TSHZ2: variants seen among roughly 807,000 people sequenced by gnomAD.
TSHZ2 encodes the protein teashirt zinc finger homeobox 2.
A neutral mutation model predicts 74.4 loss-of-function variants in TSHZ2; 21 were observed. The ratio of observed to expected loss-of-function variants is 0.28; its 90% CI spans 0.20 to 0.41. The LOEUF (loss-of-function observed/expected upper bound fraction) is 0.41. TSHZ2 is among the 10% of genes least tolerant of loss of function. TSHZ2 has a pLI of 1.00. For missense variants in TSHZ2, 1,244 were observed against 1,293.5 expected (o/e 0.96, Z 0.59); for synonymous variants, 540 against 515.3 (o/e 1.05, Z -0.65).
chr20:53,466,704 C>T (rs921700048), intron 2 of TSHZ2, among the ~76,000 whole-genome samples: 28 of 152,136 alleles, frequency 1.8e-4, no homozygotes, highest in African/African-American at 6.3e-4. Context: ...TATAATTGCT[C>T]AACATGAAAT....
chr20:53,050,597 T>C (rs757422703), intron 1 of TSHZ2, among the ~76,000 whole-genome samples: 7 of 152,192 alleles, frequency 4.6e-5, no homozygotes, highest in Non-Finnish European at 8.8e-5. Flanking sequence ...CAGAGACGTG[T>C]CATAGGAAGA....
chr20:53,090,516 T>C (rs912365954), intron 1 of TSHZ2, among the ~76,000 whole-genome samples: 4 of 152,100 alleles, frequency 2.6e-5, no homozygotes, highest in Non-Finnish European at 5.9e-5. Context: ...TTCCTTCCAA[T>C]TGAAAGATTT....
chr20:53,444,397 C>T lies in TSHZ2; in HGVS notation c.*9-42747C>T, dbSNP rs1435267022. Among the ~76,000 whole-genome samples, 4 of 151,990 alleles carry T rather than the reference C, an allele frequency of 2.6e-5. No individual in the cohort carries two copies. In the East Asian group the frequency reaches 7.7e-4, roughly 29 times the overall value. ...AACTGTGTCTCTATTAGGTGAGTGC[C>T]GGGGACAGGGGAGGAGTGGGCACCG... On this transcript the variant is annotated intron_variant, in intron 2 of 2. Transcript: ENST00000371497.
At chr20:53,157,018 T>C (rs781471272) in intron 1 of TSHZ2, among the ~76,000 whole-genome samples, 48 of 152,168 alleles carry the variant, frequency 3.2e-4, no homozygotes, top group Admixed American at 8.5e-4. Flanking sequence ...GCCATCTAAT[T>C]ACCTGTGACT....
At chr20:53,421,843 C>A (rs1020162437) in intron 2 of TSHZ2, among the ~76,000 whole-genome samples, 1 of 151,752 alleles carries the variant, frequency 6.6e-6, no homozygotes, top group Admixed American at 6.6e-5. Context: ...CCACCATGCC[C>A]GGCGAATTTT....
chr20:52,981,769 A>C (rs990362491), intron 1 of TSHZ2, among the ~76,000 whole-genome samples: 5 of 152,228 alleles, frequency 3.3e-5, no homozygotes, highest in Admixed American at 6.5e-5. Context: ...AGCACCACCA[A>C]CAACGGTAAC....
intron 1 of TSHZ2, among the ~76,000 whole-genome samples, chr20:53,251,110 T>A (rs915972659): frequency 5.9e-5 from 9 of 152,230 alleles, no homozygotes; most frequent in African/African-American, 1.4e-4. Flanking sequence ...AAAGTCCTCA[T>A]GGCCACCAAA....
intron 1 of TSHZ2, among the ~76,000 whole-genome samples, chr20:53,119,646 A>G (rs1041066373): frequency 6.6e-6 from 1 of 152,242 alleles, no homozygotes; most frequent in African/African-American, 2.4e-5. Flanking sequence ...TTCCACTGAC[A>G]ATGTTTATAT....
chr20:53,151,146 A>G (rs745361272), intron 1 of TSHZ2, among the ~76,000 whole-genome samples: 2 of 152,162 alleles, frequency 1.3e-5, no homozygotes, highest in Non-Finnish European at 2.9e-5. Flanking sequence ...TGTTTTTTCT[A>G]TCACTATTTT....
chr20:53,310,321 C>A (rs1260942265), intron 2 of TSHZ2, among the ~76,000 whole-genome samples: 1 of 152,208 alleles, frequency 6.6e-6, no homozygotes, highest in Non-Finnish European at 1.5e-5. Context: ...TGGACTAGAT[C>A]AGAGGATATC....
chr20:53,164,968 A>T (rs1988032659), intron 1 of TSHZ2, among the ~76,000 whole-genome samples: 1 of 152,196 alleles, frequency 6.6e-6, no homozygotes, highest in Non-Finnish European at 1.5e-5. Context: ...TGGTTATATG[A>T]TCACCACTTT....
intron 1 of TSHZ2, among the ~76,000 whole-genome samples, chr20:53,096,220 C>A (rs990186343): frequency 6.6e-6 from 1 of 152,214 alleles, no homozygotes; most frequent in African/African-American, 2.4e-5. Flanking sequence ...CGGCTCACTG[C>A]AACCTCTGCC....
intron 2 of TSHZ2, among the ~76,000 whole-genome samples, chr20:53,422,392 A>G (rs1983506096): frequency 1.3e-5 from 2 of 152,116 alleles, no homozygotes; most frequent in Non-Finnish European, 2.9e-5. Context: ...GGGCACTAAG[A>G]TGATTCTTAT....
Position 53,490,568 on chromosome 20 carries a change from G to A in TSHZ2, c.*3433G>A, listed in dbSNP as rs1009618756. 1 of 152,230 alleles carries A rather than the reference G, an allele frequency of 6.6e-6. No individual in the cohort carries two copies. Among genetic ancestry groups the A allele is most frequent in the South Asian group, 2.1e-4 (1 of 4,822 alleles). The allele number at this position is 152,230 out of a possible 1,614,324, so 9.4% of individuals were successfully genotyped here. On this transcript the variant is annotated 3_prime_UTR_variant, in exon 3 of 3. Transcript: ENST00000371497. The stretch of plus-strand genomic sequence containing the variant: ...AGACCTAAAAACAGAATATAATCAC[G>A]GAATAAACTGGATAACCCAGACAGT...
In TSHZ2 at chr20:53,248,942, G is replaced by A. The variant is rs576668347; in HGVS notation, c.41-4557G>A. ...CAACCTCCATCTCCCACTTCAAGTG[G>A]TTCTCCTGCCTCAGCCTCCCGAGTA... On this transcript the variant is annotated intron_variant, in intron 1 of 2. Coordinates refer to ENST00000371497, the MANE Select transcript of TSHZ2 (RefSeq NM_173485.6). Among the ~76,000 whole-genome samples the A allele has an allele frequency of 7.2e-5, 11 of 152,190 alleles. No individual in the cohort carries two copies. In the South Asian group the frequency reaches 2.3e-3, roughly 32 times the overall value.
intron 2 of TSHZ2, among the ~76,000 whole-genome samples, chr20:53,374,663 TG>T (rs1473429353): frequency 2.0e-5 from 3 of 152,208 alleles, no homozygotes; most frequent in African/African-American, 7.2e-5. Context: ...TGTTTTGTTT[TG>T]TTTTGGTTCT....
chr20:53,266,419 A>T (rs771297824), intron 2 of TSHZ2, among the ~76,000 whole-genome samples: 3 of 152,168 alleles, frequency 2.0e-5, no homozygotes, highest in Non-Finnish European at 2.9e-5. Context: ...TCAAGCTCTG[A>T]CAATGCTGGG....
chr20:53,021,302 A>G (rs556094324), intron 1 of TSHZ2, among the ~76,000 whole-genome samples: 16 of 152,288 alleles, frequency 1.1e-4, no homozygotes, highest in Non-Finnish European at 2.2e-4. Context: ...CTTGTTAGAA[A>G]TTCAGACTCT....
intron 1 of TSHZ2, among the ~76,000 whole-genome samples, chr20:53,190,865 T>C (rs1444755971): frequency 6.6e-6 from 1 of 152,184 alleles, no homozygotes; most frequent in African/African-American, 2.4e-5. Flanking sequence ...CTACTGAGCC[T>C]CCAAGGACAA....
Sources: allele counts gnomAD v4.1 joint callset (sites outside exome capture counted in the v4.1 genomes callset), GRCh38; gene constraint gnomAD v4.1.1; transcripts MANE v1.5; gene names NCBI Gene and HGNC (gene_info 2026-07-23, HGNC 2026-07-21).